FOCAD: variants seen among roughly 807,000 people sequenced by gnomAD.
FOCAD encodes the protein KIAA1797.
A neutral mutation model predicts 225.6 loss-of-function variants in FOCAD; 198 were observed. The ratio of observed to expected loss-of-function variants is 0.88; its 90% CI spans 0.78 to 0.99. FOCAD has a LOEUF of 0.99. FOCAD is among the 50% of genes least tolerant of loss of function. FOCAD has a pLI of 0.00. For missense variants in FOCAD, 2,713 were observed against 2,123.6 expected (o/e 1.28, Z -5.46); for synonymous variants, 897 against 755.0 (o/e 1.19, Z -3.08).
intron 19 of FOCAD, among the ~76,000 whole-genome samples, chr9:20,881,219 T>C (rs10811420): frequency 0.24 from 36,171 of 152,130 alleles, 4,335 homozygotes; most frequent in Non-Finnish European, 0.26. Context: ...GTGGAAGGGA[T>C]AGCAAATGCA....
At chr9:20,910,485 T>G (rs747042415) in intron 22 of FOCAD, among the ~76,000 whole-genome samples, 2 of 152,078 alleles carry the variant, frequency 1.3e-5, no homozygotes, top group South Asian at 2.1e-4. Context: ...TTTGCTTTTT[T>G]TGTGTGTGTA....
intron 21 of FOCAD, among the ~76,000 whole-genome samples, chr9:20,895,758 C>G (rs979496913): frequency 3.3e-5 from 5 of 151,494 alleles, no homozygotes; most frequent in Admixed American, 1.3e-4. Flanking sequence ...CTTATGGGTT[C>G]CAGGAGTTTT....
intron 15 of FOCAD, among the ~76,000 whole-genome samples, chr9:20,858,121 G>A (rs993458757): frequency 2.0e-5 from 3 of 151,922 alleles, no homozygotes; most frequent in Non-Finnish European, 2.9e-5. Context: ...GAATTTGGAA[G>A]TATTTCCTCC....
At chr9:20,970,864 A>G (rs1219624686) in intron 35 of FOCAD, among the ~76,000 whole-genome samples, 3 of 152,214 alleles carry the variant, frequency 2.0e-5, no homozygotes, top group African/African-American at 7.2e-5. Context: ...TTTTAAATAT[A>G]TGATTTTATG....
chr9:20,936,686 A>T (rs965528359), intron 28 of FOCAD, among the ~76,000 whole-genome samples: 1 of 152,082 alleles, frequency 6.6e-6, no homozygotes, highest in African/African-American at 2.4e-5. Context: ...AAAAACAGGG[A>T]TGCCCTCTCT....
At chr9:20,886,040 A>G (rs1468559386) in intron 21 of FOCAD, among the ~76,000 whole-genome samples, 1 of 152,226 alleles carries the variant, frequency 6.6e-6, no homozygotes, top group Non-Finnish European at 1.5e-5. Flanking sequence ...CCTAATTTAT[A>G]CATTTGGTTG....
chr9:20,838,758 A>G (rs1445887608), intron 15 of FOCAD, among the ~76,000 whole-genome samples: 3 of 152,074 alleles, frequency 2.0e-5, no homozygotes, highest in South Asian at 2.1e-4. Flanking sequence ...ACTGTTTATT[A>G]TTTGAGTTCC....
At position 20,778,089 on chromosome 9, in the gene FOCAD, CAAA is replaced by C. The variant is rs1184354592; in HGVS notation, c.907-570_907-568del. On this transcript the variant is annotated intron_variant, in intron 8 of 43. Coordinates refer to ENST00000338382, the MANE Select transcript of FOCAD (RefSeq NM_001375567.1). The stretch of plus-strand genomic sequence containing the variant: ...TGGGCGACAGAACGAGACTCCGTCT[CAAA>C]AAAAAAAAAAAAAAAAAAAAAGATT... Among the ~76,000 whole-genome samples, 11 of 84,188 alleles carry C rather than the reference CAAA, an allele frequency of 1.3e-4. No homozygotes were observed. In the East Asian group the frequency reaches 2.6e-3, roughly 20 times the overall value. The allele number at this position is 84,188 out of a possible 152,430, so 55.2% of individuals were successfully genotyped here. A position where few individuals can be genotyped will look rare whatever the true frequency, so the allele number is the denominator to read the frequency against.
intron 23 of FOCAD, 136 bp downstream of exon 23, chr9:20,913,090 C>T (rs561423632): frequency 3.3e-6 from 2 of 610,416 alleles, no homozygotes; most frequent in Non-Finnish European, 5.7e-6. Context: ...GACAGAAGAG[C>T]TGATAGGTGT....
intron 1 of FOCAD, among the ~76,000 whole-genome samples, chr9:20,697,234 A>G (rs1823451644): frequency 6.6e-6 from 1 of 152,202 alleles, no homozygotes; most frequent in Admixed American, 6.5e-5. Flanking sequence ...CTCCTGGATT[A>G]TTGATGTAAC....
chr9:20,675,758 G>A (rs1183666860), intron 2 of FOCAD, among the ~76,000 whole-genome samples: 1 of 152,154 alleles, frequency 6.6e-6, no homozygotes, highest in Non-Finnish European at 1.5e-5. Flanking sequence ...TAACCTTTCA[G>A]TGAGATCTGT....
intron 15 of FOCAD, among the ~76,000 whole-genome samples, chr9:20,848,861 C>CTATTAT (rs899886683): frequency 2.0e-5 from 3 of 151,244 alleles, no homozygotes; most frequent in African/African-American, 7.3e-5. Context: ...TAAGTTGCTT[C>CTATTAT]TATTATTATT....
intron 16 of FOCAD, among the ~76,000 whole-genome samples, chr9:20,864,532 C>G (rs1222102243): frequency 2.0e-5 from 3 of 152,060 alleles, no homozygotes; most frequent in Admixed American, 6.6e-5. Flanking sequence ...TTTAACTCAT[C>G]CCATCCTTTG....
chr9:20,864,248 C>A (rs1185460322), intron 16 of FOCAD, among the ~76,000 whole-genome samples: 1 of 151,980 alleles, frequency 6.6e-6, no homozygotes, highest in Non-Finnish European at 1.5e-5. Flanking sequence ...CTTCTTAAGT[C>A]ATTTCTATCC....
chr9:20,800,151 T>C (rs1355540424), intron 11 of FOCAD, among the ~76,000 whole-genome samples: 2 of 152,176 alleles, frequency 1.3e-5, no homozygotes, highest in Non-Finnish European at 2.9e-5. Flanking sequence ...AAAATTCTTT[T>C]CTTTAAAATT....
At chr9:20,715,236 A>G (rs1212660505) in intron 1 of FOCAD, 86 bp from the exon 2 acceptor site, 9 of 521,232 alleles carry the variant, frequency 1.7e-5, no homozygotes, top group Non-Finnish European at 2.9e-5. Flanking sequence ...AATGGATTAC[A>G]TTCACATTAT....
intron 4 of FOCAD, among the ~76,000 whole-genome samples, chr9:20,738,167 A>G (rs879654811): frequency 7.2e-5 from 11 of 152,246 alleles, no homozygotes; most frequent in Admixed American, 1.3e-4. Context: ...AGAGGAGTCT[A>G]GAAATTCAGT....
intron 8 of FOCAD, among the ~76,000 whole-genome samples, chr9:20,772,899 T>C (rs984662879): frequency 3.3e-5 from 5 of 151,494 alleles, no homozygotes; most frequent in African/African-American, 1.2e-4. Context: ...GTGTAGTAGA[T>C]ATATATATGT....
intron 15 of FOCAD, among the ~76,000 whole-genome samples, chr9:20,829,323 C>A (rs926640701): frequency 6.6e-6 from 1 of 152,088 alleles, no homozygotes; most frequent in African/African-American, 2.4e-5. Flanking sequence ...TTAATAATTG[C>A]CATCCTGACT....
Sources: gnomAD v4.1 joint callset for allele counts (sites outside exome capture counted in the v4.1 genomes callset) on GRCh38, gnomAD v4.1.1 for gene constraint, MANE v1.5 for transcripts, NCBI Gene and HGNC (gene_info 2026-07-23, HGNC 2026-07-21) for gene names.